The following CTNNA2 variants were observed in gnomAD, a reference collection of about 807,000 sequenced individuals.
CTNNA2 encodes catenin alpha 2.
Under a neutral mutation model 101.0 loss-of-function variants are expected in CTNNA2, and 42 were observed. The ratio of observed to expected loss-of-function variants is 0.42; its 90% CI spans 0.32 to 0.54. The LOEUF is 0.54. CTNNA2 is among the 20% of genes least tolerant of loss of function. The pLI, the probability that CTNNA2 is intolerant of heterozygous loss-of-function variation, is 0.14. For missense variants in CTNNA2, 871 were observed against 1,223.1 expected (o/e 0.71, Z 4.29); for synonymous variants, 450 against 456.4 (o/e 0.99, Z 0.18).
intron 1 of CTNNA2, among the ~76,000 whole-genome samples, chr2:79,187,040 C>T (rs79687192): frequency 0.017 from 2,548 of 152,118 alleles, 99 homozygotes; most frequent in East Asian, 0.1. Flanking sequence ...CCTGTAAGGT[C>T]ATTTCTCTGA....
chr2:80,596,056 T>C (rs1457848748), intron 15 of CTNNA2, among the ~76,000 whole-genome samples: 1 of 152,080 alleles, frequency 6.6e-6, no homozygotes, highest in East Asian at 1.9e-4. Context: ...TGGTTTGTAG[T>C]TCTCATAGAA....
At chr2:79,570,525 A>G (rs1160438234) in intron 1 of CTNNA2, among the ~76,000 whole-genome samples, 1 of 152,170 alleles carries the variant, frequency 6.6e-6, no homozygotes, top group Non-Finnish European at 1.5e-5. Flanking sequence ...ATTGTAACCT[A>G]TCAGCATAGG....
chr2:80,188,856 G>A (rs2148993791), intron 7 of CTNNA2, among the ~76,000 whole-genome samples: 1 of 151,882 alleles, frequency 6.6e-6, no homozygotes, highest in South Asian at 2.1e-4. Flanking sequence ...CCTGAGATTA[G>A]GATGTGGATA....
intron 3 of CTNNA2, among the ~76,000 whole-genome samples, chr2:79,849,099 C>T (rs1309997916): frequency 6.6e-6 from 1 of 152,136 alleles, no homozygotes; most frequent in Non-Finnish European, 1.5e-5. Context: ...CTCAACATCA[C>T]TTCAGAGGCA....
chr2:79,514,681 G>C (rs575747620), intron 1 of CTNNA2: 2 of 152,090 alleles, frequency 1.3e-5, no homozygotes, highest in Non-Finnish European at 2.9e-5. Context: ...ATCTCAGAAG[G>C]GTCCAACAGT....
intron 11 of CTNNA2, among the ~76,000 whole-genome samples, chr2:80,552,719 C>T (rs1426925877): frequency 1.3e-5 from 2 of 152,086 alleles, no homozygotes; most frequent in African/African-American, 2.4e-5. Context: ...CAAACTTGTA[C>T]AGCACGTTAC....
intron 4 of CTNNA2, among the ~76,000 whole-genome samples, chr2:79,497,098 A>G (rs1671263944): frequency 6.6e-6 from 1 of 152,208 alleles, no homozygotes; most frequent in Non-Finnish European, 1.5e-5. Flanking sequence ...GTTTTCTCAT[A>G]CAAATCTGGA....
At chr2:79,260,873 G>A (rs1674912790) in intron 2 of CTNNA2, among the ~76,000 whole-genome samples, 1 of 152,080 alleles carries the variant, frequency 6.6e-6, no homozygotes, top group African/African-American at 2.4e-5. Flanking sequence ...GAAGAAGGGG[G>A]CATTCAAATT....
At chr2:80,589,114 G>A (rs1696222512) in intron 14 of CTNNA2, among the ~76,000 whole-genome samples, 190 bp from the exon 15 acceptor site, 1 of 152,082 alleles carries the variant, frequency 6.6e-6, no homozygotes. Flanking sequence ...AGTGGGACGG[G>A]GACTTTGGGG....
intron 3 of CTNNA2, among the ~76,000 whole-genome samples, chr2:79,367,575 A>G (rs984064912): frequency 6.6e-6 from 1 of 152,118 alleles, no homozygotes; most frequent in Non-Finnish European, 1.5e-5. Flanking sequence ...AGACCACTGT[A>G]GAACTGCAGC....
intron 7 of CTNNA2, among the ~76,000 whole-genome samples, chr2:79,912,457 A>G (rs182653926): frequency 2.0e-5 from 3 of 152,362 alleles, no homozygotes; most frequent in African/African-American, 7.2e-5. Context: ...CTACTTAATG[A>G]ACGTGGGTGT....
intron 1 of CTNNA2, among the ~76,000 whole-genome samples, chr2:79,627,805 C>T (rs1679417487): frequency 6.6e-6 from 1 of 152,070 alleles, no homozygotes; most frequent in African/African-American, 2.4e-5. Flanking sequence ...TATGACTACA[C>T]TTTATGAAAG....
intron 7 of CTNNA2, among the ~76,000 whole-genome samples, chr2:80,113,125 C>G (rs1701320424): frequency 6.6e-6 from 1 of 152,058 alleles, no homozygotes; most frequent in Admixed American, 6.6e-5. Context: ...ACATTTTACC[C>G]AAGAGGAAAG....
At chr2:79,532,920 A>C (rs1269940677) in intron 1 of CTNNA2, among the ~76,000 whole-genome samples, 1 of 152,038 alleles carries the variant, frequency 6.6e-6, no homozygotes, top group Non-Finnish European at 1.5e-5. Flanking sequence ...TCAAGCTCAT[A>C]GCTCCCATTC....
At chr2:79,986,951 A>G (rs1021733405) in intron 7 of CTNNA2, among the ~76,000 whole-genome samples, 2 of 152,178 alleles carry the variant, frequency 1.3e-5, no homozygotes, top group African/African-American at 4.8e-5. Context: ...GTGAACATAA[A>G]AAGGAAACAC....
intron 4 of CTNNA2, among the ~76,000 whole-genome samples, chr2:79,473,307 C>T (rs1671019613): frequency 1.3e-5 from 2 of 151,900 alleles, no homozygotes; most frequent in Admixed American, 1.3e-4. Context: ...GAGGTAATAC[C>T]CAATAATTTT....
intron 1 of CTNNA2, among the ~76,000 whole-genome samples, chr2:79,636,263 C>A (rs1269056326): frequency 1.1e-5 from 1 of 90,886 alleles, no homozygotes. Context: ...GAGTGAGACT[C>A]TGTCTCAAAA....
intron 4 of CTNNA2, among the ~76,000 whole-genome samples, chr2:79,440,241 G>A (rs1678762905): frequency 6.6e-6 from 1 of 152,090 alleles, no homozygotes; most frequent in Non-Finnish European, 1.5e-5. Context: ...ATCCACTTAT[G>A]ATTTGCTAGT....
intron 3 of CTNNA2, among the ~76,000 whole-genome samples, chr2:79,784,017 G>A (rs6723963): frequency 0.038 from 5,726 of 152,152 alleles, 379 homozygotes; most frequent in African/African-American, 0.13. Flanking sequence ...ATTAAAATGA[G>A]GATTAAGTTT....
Sources: allele counts gnomAD v4.1 joint callset (sites outside exome capture counted in the v4.1 genomes callset), GRCh38; gene constraint gnomAD v4.1.1; transcripts MANE v1.5; gene names NCBI Gene and HGNC (gene_info 2026-07-23, HGNC 2026-07-21).